The following SLC1A2 variants were observed in gnomAD, a reference collection of about 807,000 sequenced individuals.
SLC1A2 encodes the protein excitatory amino acid transporter 2.
SLC1A2 carries 15 observed loss-of-function variants against 48.8 expected under a neutral mutation model. That is an observed-to-expected ratio of 0.31 (90% CI 0.21 to 0.47). SLC1A2 has a LOEUF of 0.47. SLC1A2 is among the 20% of genes least tolerant of loss of function. The pLI, the probability that SLC1A2 is intolerant of heterozygous loss-of-function variation, is 0.99. For missense variants in SLC1A2, 502 were observed against 730.5 expected, an observed-to-expected ratio of 0.69 and a Z score of 3.61; for synonymous variants, 279 against 272.6, an observed-to-expected ratio of 1.02 and a Z score of -0.23.
chr11:35,376,066 T>C (rs1854218947), intron 1 of SLC1A2, among the ~76,000 whole-genome samples: 1 of 152,120 alleles, frequency 6.6e-6, no homozygotes, highest in Non-Finnish European at 1.5e-5. Context: ...AGACAATCTA[T>C]TAGGCTTAAA....
intron 1 of SLC1A2, among the ~76,000 whole-genome samples, chr11:35,405,099 C>G (rs1855247112): frequency 8.2e-6 from 1 of 121,592 alleles, no homozygotes; most frequent in Non-Finnish European, 1.8e-5. Flanking sequence ...AAAGAAGATG[C>G]CAGCCATGGT....
chr11:35,307,601 C>T (rs1336121747), intron 4 of SLC1A2, among the ~76,000 whole-genome samples: 1 of 152,112 alleles, frequency 6.6e-6, no homozygotes, highest in East Asian at 1.9e-4. Context: ...GGCTGAACCC[C>T]GAATAGATAC....
intron 1 of SLC1A2, among the ~76,000 whole-genome samples, chr11:35,376,713 AT>A (rs898015987): frequency 7.9e-5 from 12 of 152,206 alleles, no homozygotes; most frequent in Admixed American, 2.0e-4. Context: ...GTGAATAATA[AT>A]TTTTTTTAAG....
chr11:35,356,968 A>G (rs1486197617), intron 1 of SLC1A2, among the ~76,000 whole-genome samples: 1 of 152,204 alleles, frequency 6.6e-6, no homozygotes, highest in African/African-American at 2.4e-5. Context: ...TAGGCTGGGC[A>G]TGGTGGCTCA....
rs184802929 is a variant in SLC1A2 at position 35,383,509 on chromosome 11, C to G, written c.17+35441G>C. 7.2e-5 allele frequency among the ~76,000 whole-genome samples: 11 copies of G among 152,294 alleles called. No homozygotes were observed. The East Asian group carries it at 2.1e-3, about 29-fold the overall frequency. On this transcript the variant is annotated intron_variant, in intron 1 of 10. Transcript: ENST00000278379. ...GGAGCTGACTGCTTAGGTTTGGATT[C>G]TGGTTCTGCTCCTCACTAGCTATGT... is the stretch of plus-strand genomic sequence containing the variant.
intron 3 of SLC1A2, among the ~76,000 whole-genome samples, chr11:35,313,275 G>A (rs1457854033): frequency 1.3e-5 from 2 of 152,096 alleles, no homozygotes; most frequent in African/African-American, 4.8e-5. Flanking sequence ...TGAGAATAAC[G>A]ATTTTGCCCA....
chr11:35,412,240 T>A (rs1221927668), intron 1 of SLC1A2, among the ~76,000 whole-genome samples: 5 of 152,180 alleles, frequency 3.3e-5, no homozygotes, highest in Non-Finnish European at 7.4e-5. Context: ...TGAGATAATA[T>A]TCCCTAGGGG....
At chr11:35,288,652 A>T (rs1850901382) in intron 7 of SLC1A2, among the ~76,000 whole-genome samples, 1 of 152,234 alleles carries the variant, frequency 6.6e-6, no homozygotes, top group Non-Finnish European at 1.5e-5. Flanking sequence ...CCAAAATGTC[A>T]TCAAATGGTC....
intron 4 of SLC1A2, among the ~76,000 whole-genome samples, chr11:35,311,456 A>G (rs1303600042): frequency 1.3e-5 from 2 of 152,196 alleles, no homozygotes; most frequent in African/African-American, 2.4e-5. Flanking sequence ...CACCACGCCC[A>G]GCCAGGGTTG....
intron 6 of SLC1A2, among the ~76,000 whole-genome samples, chr11:35,300,628 T>C (rs778639534): frequency 2.8e-4 from 42 of 152,232 alleles, no homozygotes; most frequent in Non-Finnish European, 5.7e-4. Context: ...GAGCAATAAA[T>C]TCCTATTGTT....
At chr11:35,418,724 C>G in intron 1 of SLC1A2, 1 of 560,448 alleles carries the variant, frequency 1.8e-6, no homozygotes, top group East Asian at 3.2e-5. Context: ...CCCTTTTTAT[C>G]AAAATAAAAC....
intron 5 of SLC1A2, among the ~76,000 whole-genome samples, chr11:35,302,406 T>A (rs540787360): frequency 6.6e-6 from 1 of 152,312 alleles, no homozygotes; most frequent in South Asian, 2.1e-4. Flanking sequence ...ATTTTGCTAG[T>A]TCCTAGTCCC....
At chr11:35,399,899 G>A (rs1234220656) in intron 1 of SLC1A2, among the ~76,000 whole-genome samples, 1 of 152,304 alleles carries the variant, frequency 6.6e-6, no homozygotes, top group Non-Finnish European at 1.5e-5. Context: ...GCTATAAACA[G>A]CCAACCTAGG....
chr11:35,309,436 G>T (rs187757903), intron 4 of SLC1A2, among the ~76,000 whole-genome samples: 1 of 152,162 alleles, frequency 6.6e-6, no homozygotes, highest in African/African-American at 2.4e-5. Context: ...TGGATTTAAC[G>T]TTGTAAGGTC....
chr11:35,391,052 C>T (rs1189215944), intron 1 of SLC1A2: 1 of 152,158 alleles, frequency 6.6e-6, no homozygotes, highest in Non-Finnish European at 1.5e-5. Context: ...CTATCTGTGG[C>T]CTCTGCTATA....
chr11:35,378,698 CA>C (rs958218533), intron 1 of SLC1A2, among the ~76,000 whole-genome samples: 36 of 152,308 alleles, frequency 2.4e-4, no homozygotes, highest in Admixed American at 2.3e-3. Flanking sequence ...TTACTGCTCA[CA>C]AAAGCAACAA....
chr11:35,346,174 A>G (rs1275775871), intron 1 of SLC1A2, among the ~76,000 whole-genome samples: 1 of 152,136 alleles, frequency 6.6e-6, no homozygotes, highest in Admixed American at 6.5e-5. Flanking sequence ...CATCATCTAC[A>G]TTAGGTATTT....
chr11:35,408,953 T>C (rs200613203), intron 1 of SLC1A2, among the ~76,000 whole-genome samples: 2 of 152,354 alleles, frequency 1.3e-5, no homozygotes, highest in East Asian at 3.9e-4. Context: ...GAGATTTGGT[T>C]GGCTTGCTCT....
intron 9 of SLC1A2, 23 bp from the exon 10 acceptor site, chr11:35,265,781 G>A (rs748679625): frequency 1.1e-5 from 16 of 1,474,776 alleles, no homozygotes; most frequent in African/African-American, 1.4e-5. Flanking sequence ...AACAGAAAAG[G>A]TTCAGTGAGG....
Sources: allele counts gnomAD v4.1 joint callset (sites outside exome capture counted in the v4.1 genomes callset), GRCh38; gene constraint gnomAD v4.1.1; transcripts MANE v1.5; gene names NCBI Gene and HGNC (gene_info 2026-07-23, HGNC 2026-07-21).